The following LSAMP variants were observed in gnomAD, a reference collection of about 807,000 sequenced individuals.
The protein encoded by LSAMP is limbic system associated membrane protein, also known as limbic system-associated membrane protein.
Under a neutral mutation model 38.6 loss-of-function variants are expected in LSAMP, and 7 were observed. The ratio of observed to expected loss-of-function variants is 0.18; its 90% confidence interval spans 0.10 to 0.34. LSAMP has a LOEUF of 0.34. Among genes scored for constraint, LSAMP ranks in the 10% least tolerant of loss-of-function variants. The pLI is 1.00. For synonymous variants in LSAMP, 154 were observed against 166.8 expected, an observed-to-expected ratio of 0.92 and a Z score of 0.59; for missense variants, 313 against 420.0, an observed-to-expected ratio of 0.75 and a Z score of 2.23.
intron 1 of LSAMP, among the ~76,000 whole-genome samples, chr3:116,197,944 T>C (rs2045924932): frequency 6.8e-6 from 1 of 147,522 alleles, no homozygotes; most frequent in Admixed American, 6.9e-5. Flanking sequence ...AAAGGATAAA[T>C]CCAATTTCAC....
chr3:116,021,745 C>A (rs1940643610), intron 2 of LSAMP, among the ~76,000 whole-genome samples: 1 of 150,242 alleles, frequency 6.7e-6, no homozygotes, highest in African/African-American at 2.5e-5. Context: ...AAAAAAAATC[C>A]ACAACTAAAA....
chr3:115,825,421 T>G (rs1253075185), intron 6 of LSAMP, among the ~76,000 whole-genome samples: 1 of 152,202 alleles, frequency 6.6e-6, no homozygotes, highest in African/African-American at 2.4e-5. Flanking sequence ...CTTGTGCAAC[T>G]CTCTGAAAAT....
At chr3:116,283,775 G>A (rs1400197162) in intron 1 of LSAMP, among the ~76,000 whole-genome samples, 2 of 152,126 alleles carry the variant, frequency 1.3e-5, no homozygotes, top group Admixed American at 6.5e-5. Flanking sequence ...GTCCTCCTTA[G>A]TTTTTATTTT....
At chr3:116,013,685 A>G (rs543676090) in intron 3 of LSAMP, among the ~76,000 whole-genome samples, 1 of 152,194 alleles carries the variant, frequency 6.6e-6, no homozygotes, top group South Asian at 2.1e-4. Flanking sequence ...CAAACATTTT[A>G]AAATTTATTT....
intron 3 of LSAMP, among the ~76,000 whole-genome samples, chr3:115,981,996 C>A (rs890742149): frequency 6.6e-6 from 1 of 152,144 alleles, no homozygotes; most frequent in Non-Finnish European, 1.5e-5. Flanking sequence ...CAAAGTGCAC[C>A]CATCTTAATC....
At chr3:116,342,347 CT>C (rs1224906731) in intron 1 of LSAMP, among the ~76,000 whole-genome samples, 1 of 151,980 alleles carries the variant, frequency 6.6e-6, no homozygotes, top group Non-Finnish European at 1.5e-5. Context: ...TCAAATCTTT[CT>C]TTTGATTATC....
intron 1 of LSAMP, among the ~76,000 whole-genome samples, chr3:116,270,133 C>T (rs1036925614): frequency 6.6e-6 from 1 of 151,962 alleles, no homozygotes; most frequent in Non-Finnish European, 1.5e-5. Context: ...TTGTGTTTTC[C>T]AAAGCAATAT....
intron 2 of LSAMP, among the ~76,000 whole-genome samples, chr3:116,057,303 TG>T (rs1287248029): frequency 6.6e-6 from 1 of 152,218 alleles, no homozygotes; most frequent in Non-Finnish European, 1.5e-5. Context: ...AATCCTATTT[TG>T]GCATTTTTAG....
At chr3:115,920,146 G>T (rs938590077) in intron 3 of LSAMP, among the ~76,000 whole-genome samples, 1 of 152,086 alleles carries the variant, frequency 6.6e-6, no homozygotes, top group East Asian at 1.9e-4. Context: ...CAATAAACAT[G>T]GCAGTAGAGA....
At chr3:116,345,351 T>C (rs1048236234) in intron 1 of LSAMP, among the ~76,000 whole-genome samples, 3 of 152,128 alleles carry the variant, frequency 2.0e-5, no homozygotes, top group Non-Finnish European at 2.9e-5. Context: ...AATGCAGAAA[T>C]TAGAATTCTG....
At chr3:116,101,120 C>G (rs561526459) in intron 1 of LSAMP, among the ~76,000 whole-genome samples, 11 of 152,170 alleles carry the variant, frequency 7.2e-5, no homozygotes, top group Non-Finnish European at 1.6e-4. Flanking sequence ...TAGATAATTA[C>G]TCAATGGATG....
chr3:115,928,273 G>T (rs1432385161), intron 3 of LSAMP, among the ~76,000 whole-genome samples: 1 of 151,926 alleles, frequency 6.6e-6, no homozygotes, highest in Non-Finnish European at 1.5e-5. Context: ...TCTCATATTT[G>T]CTTCTCTTCT....
At chr3:115,940,686 T>C (rs1221085319) in intron 3 of LSAMP, among the ~76,000 whole-genome samples, 4 of 152,218 alleles carry the variant, frequency 2.6e-5, no homozygotes, top group Admixed American at 2.0e-4. Context: ...CAGTGTATTC[T>C]TGTTGTCCTT....
At position 116,292,228 on chromosome 3, in the gene LSAMP, C is replaced by CA. The variant is rs755262686; in HGVS notation, c.155+152648dup. Among the ~76,000 whole-genome samples the CA allele has an allele frequency of 5.0e-4, 76 of 152,234 alleles. 1 individual carries two copies. The highest frequency in any genetic ancestry group is 5.2e-4 in the Admixed American group (8 of 15,288). On this transcript the variant is annotated intron_variant, in intron 1 of 6. Coordinates refer to ENST00000490035, the MANE Select transcript of LSAMP (RefSeq NM_002338.5). ...ACACTGACAAGGCTCCTAATCTCCT[C>CA]AATATATTAACAGTCCGTGCATCAA...
At chr3:115,920,034 C>G (rs1405384689) in intron 3 of LSAMP, among the ~76,000 whole-genome samples, 1 of 152,202 alleles carries the variant, frequency 6.6e-6, no homozygotes, top group African/African-American at 2.4e-5. Context: ...CCTTCCTTGT[C>G]AGTAACTGAA....
At chr3:115,844,798 A>G (rs1935103779) in intron 4 of LSAMP, among the ~76,000 whole-genome samples, 1 of 152,042 alleles carries the variant, frequency 6.6e-6, no homozygotes, top group Non-Finnish European at 1.5e-5. Flanking sequence ...CCAACACAGC[A>G]AAACCCCATC....
At chr3:116,129,895 T>G (rs1263251237) in intron 1 of LSAMP, among the ~76,000 whole-genome samples, 1 of 152,220 alleles carries the variant, frequency 6.6e-6, no homozygotes, top group African/African-American at 2.4e-5. Context: ...GGACTTCAGA[T>G]TTTATGTGTT....
In LSAMP at chr3:115,893,354, G is replaced by A. The variant is rs889047547; in HGVS notation, c.515-40737C>T. ...TTGCTACTAGAATGAGAACTCTGAC[G>A]ACAAACTGGTTAATGAATATTGTCA... On this transcript the variant is annotated intron_variant, in intron 3 of 6. Coordinates refer to ENST00000490035, the MANE Select transcript of LSAMP (RefSeq NM_002338.5). Among the ~76,000 whole-genome samples the A allele has an allele frequency of 1.3e-4, 20 of 151,884 alleles. 1 individual carries two copies. Among genetic ancestry groups the A allele is most frequent in the Admixed American group, 1.3e-4 (2 of 15,216 alleles).
chr3:116,270,171 A>C (rs2046952712), intron 1 of LSAMP, among the ~76,000 whole-genome samples: 1 of 152,138 alleles, frequency 6.6e-6, no homozygotes, highest in African/African-American at 2.4e-5. Flanking sequence ...TTTATATGAA[A>C]CATGTCCTAA....
Sources: gnomAD v4.1 joint callset for allele counts (sites outside exome capture counted in the v4.1 genomes callset) on GRCh38, gnomAD v4.1.1 for gene constraint, MANE v1.5 for transcripts, NCBI Gene and HGNC (gene_info 2026-07-23, HGNC 2026-07-21) for gene names.